TNRC6B: variants seen among roughly 807,000 people sequenced by gnomAD.
The protein encoded by TNRC6B is trinucleotide repeat containing adaptor 6B, also known as trinucleotide repeat-containing gene 6B protein.
A neutral mutation model predicts 203.6 loss-of-function variants in TNRC6B; 52 were observed. The observed-to-expected ratio is 0.26, with a 90% CI of 0.20 to 0.32. TNRC6B has a LOEUF of 0.32. Among genes scored for constraint, TNRC6B ranks in the 10% least tolerant of loss-of-function variants. The pLI is 1.00. For synonymous variants in TNRC6B, 838 were observed against 845.7 expected, an observed-to-expected ratio of 0.99 and a Z score of 0.16; for missense variants, 1,923 against 2,286.2, an observed-to-expected ratio of 0.84 and a Z score of 3.24.
chr22:40,198,928 T>A (rs901520511), intron 1 of TNRC6B, among the ~76,000 whole-genome samples: 1 of 152,072 alleles, frequency 6.6e-6, no homozygotes, highest in Non-Finnish European at 1.5e-5. Context: ...TCTTGGCTTC[T>A]ATATCCCATT....
chr22:40,322,494 G>A (rs1472918132), intron 22 of TNRC6B, among the ~76,000 whole-genome samples: 2 of 152,072 alleles, frequency 1.3e-5, no homozygotes, highest in African/African-American at 4.8e-5. Flanking sequence ...ATCCCTCTTA[G>A]CCCCCCACAG....
chr22:40,266,915 A>G lies in TNRC6B; in HGVS notation c.2685A>G (p.Ala895=). The G allele has an allele frequency of 1.9e-6, 3 of 1,614,046 alleles. No homozygotes were observed. The highest frequency in any genetic ancestry group is 2.2e-5 in the East Asian group (1 of 44,882). Residue 895 remains alanine (A), a synonymous_variant, in exon 5 of 23, where the codon GCA becomes GCG. Coordinates refer to ENST00000454349, the MANE Select transcript of TNRC6B (RefSeq NM_001162501.2). ...TGGACATTGATGATGGCACTTCAGC[A>G]TGGGGAGACCCTAACAGTTATAACT... is the stretch of plus-strand genomic sequence containing the variant. The part of the protein sequence containing the change: ...RKMDIDDGTS[A]WGDPNSYNYK...
At chr22:40,188,348 G>T (rs1435018852) in intron 1 of TNRC6B, among the ~76,000 whole-genome samples, 1 of 152,196 alleles carries the variant, frequency 6.6e-6, no homozygotes, top group Non-Finnish European at 1.5e-5. Context: ...TTATTTTTCT[G>T]TGAAGTGCCC....
Position 40,265,306 on chromosome 22 carries a change from T to G in TNRC6B, c.1076T>G (p.Val359Gly). ...GAAAATGCGGGTGTTAATTTTGTTGTCTCTGGCAGAGAACAGGCTCAAATT... is the reference window on the plus strand; with the variant it reads ...GAAAATGCGGGTGTTAATTTTGTTGGCTCTGGCAGAGAACAGGCTCAAATT... ...KMENAGVNFVVSGREQAQIHN... is the reference protein window; with the variant it reads ...KMENAGVNFVGSGREQAQIHN... The change falls in exon 5 of 23, where the codon GTC (valine) becomes GGC (glycine). Residue 359 changes from valine to glycine, a missense_variant. This residue lies in a region of TNRC6B where 614 missense variants were observed against 587.7 expected (regional missense o/e 1.04). Coordinates refer to ENST00000454349, the MANE Select transcript of TNRC6B (RefSeq NM_001162501.2). 6.2e-7 allele frequency: 1 copy of G among 1,614,006 alleles called. No individual in the cohort carries two copies. The highest frequency in any genetic ancestry group is 8.5e-7 in the Non-Finnish European group (1 of 1,179,898).
chr22:40,062,672 T>C (rs2146272893), intron 1 of TNRC6B, among the ~76,000 whole-genome samples: 2 of 152,302 alleles, frequency 1.3e-5, no homozygotes, highest in South Asian at 2.1e-4. Context: ...TCCTACTGGG[T>C]AGGAAATGGT....
At chr22:40,128,772 C>T (rs1010354025) in intron 3 of TNRC6B, among the ~76,000 whole-genome samples, 5 of 151,926 alleles carry the variant, frequency 3.3e-5, no homozygotes, top group Admixed American at 6.6e-5. Flanking sequence ...ATTCTCCTGC[C>T]GCAGTCTCCC....
rs73418702 is a variant in TNRC6B at position 40,226,221 on chromosome 22, T to C, written c.6-19794T>C. Among the ~76,000 whole-genome samples, 1,034 of 152,338 alleles carry C rather than the reference T, an allele frequency of 6.8e-3. 7 individuals are homozygous for C. The highest frequency in any genetic ancestry group is 0.023 in the African/African-American group (961 of 41,576). On this transcript the variant is annotated intron_variant, in intron 1 of 22. Transcript: ENST00000454349. Reference sequence around the variant, plus strand: ...CACACAAGAACACGACTTTCCATTTTTACTATTCTGAAAATAGAGCACAAA... The same window carrying C: ...CACACAAGAACACGACTTTCCATTTCTACTATTCTGAAAATAGAGCACAAA...
chr22:40,110,073 GA>G (rs1209737856), intron 1 of TNRC6B, among the ~76,000 whole-genome samples: 1 of 152,090 alleles, frequency 6.6e-6, no homozygotes, highest in Non-Finnish European at 1.5e-5. Flanking sequence ...ATGCAATATA[GA>G]AAAAGAACAA....
chr22:40,300,888 G>A (rs1385195189), intron 13 of TNRC6B, 22 bp from the exon 14 acceptor site: 1 of 1,609,366 alleles, frequency 6.2e-7, no homozygotes, highest in Non-Finnish European at 8.5e-7. Flanking sequence ...TTGGTTTTCT[G>A]TCTTTCCCCC....
At chr22:40,226,377 C>T (rs1008638438) in intron 1 of TNRC6B, among the ~76,000 whole-genome samples, 1 of 152,008 alleles carries the variant, frequency 6.6e-6, no homozygotes, top group Non-Finnish European at 1.5e-5. Context: ...CAGAGGATTT[C>T]CAGGATTCGA....
chr22:40,285,569 T>C, intron 11 of TNRC6B, 76 bp from the exon 12 acceptor site: 1 of 1,530,728 alleles, frequency 6.5e-7, no homozygotes, highest in Non-Finnish European at 8.8e-7. Context: ...CTGAGGGATC[T>C]AAAAGACCAG....
In TNRC6B at chr22:40,266,142, G is replaced by A; in HGVS notation, c.1912G>A (p.Glu638Lys). 6.2e-7 allele frequency: 1 copy of A among 1,613,972 alleles called. No individual in the cohort carries two copies. The highest frequency in any genetic ancestry group is 8.5e-7 in the Non-Finnish European group (1 of 1,179,898). The change falls in exon 5 of 23, where the codon GAG (glutamate) becomes AAG (lysine). Residue 638 changes from glutamate (E) to lysine (K), a missense_variant. By Grantham distance (56) the Glu-to-Lys change is moderately conservative. Transcript: ENST00000454349. Reference protein sequence around the residue: ...IKQDTVWDIEEVPRPEGKSDK... With the variant: ...IKQDTVWDIEKVPRPEGKSDK... ...GCAGGACACAGTGTGGGACATTGAA[G>A]AGGTGCCAAGGCCTGAGGGGAAATC...
intron 1 of TNRC6B, among the ~76,000 whole-genome samples, chr22:40,098,409 A>T (rs74495974): frequency 6.7e-6 from 1 of 149,516 alleles, no homozygotes; most frequent in East Asian, 2.0e-4. Flanking sequence ...AAAAAAAAAA[A>T]GGGAATTACT....
At position 40,281,717 on chromosome 22, in the gene TNRC6B, TGG is replaced by T. The variant is rs58533893; in HGVS notation, c.3582+430_3582+431del. On this transcript the variant is annotated intron_variant, in intron 11 of 22. Transcript: ENST00000454349. Reference sequence around the variant, plus strand: ...GAAAACTAGTATGATTAAGTATTTGTGGGTTATGGCATCTTGAAATCTAGTGT... The same window carrying T: ...GAAAACTAGTATGATTAAGTATTTGTGTTATGGCATCTTGAAATCTAGTGT... Among the ~76,000 whole-genome samples the T allele has an allele frequency of 3.9e-4, 60 of 152,354 alleles. 2 individuals are homozygous for T. The East Asian group carries it at 0.011, about 28-fold the overall frequency.
At position 40,264,870 on chromosome 22, in the gene TNRC6B, A is replaced by G. The variant is rs2070450968; in HGVS notation, c.640A>G (p.Asn214Asp). The G allele has an allele frequency of 1.2e-6, 2 of 1,613,814 alleles. No individual in the cohort carries two copies. The highest frequency in any genetic ancestry group is 1.7e-5 in the Admixed American group (1 of 59,988). Residue 214 changes from asparagine (N) to aspartate (D), a missense_variant, in exon 5 of 23, where the codon AAC (asparagine) becomes GAC (aspartate). This residue lies in a region of TNRC6B where 614 missense variants were observed against 587.7 expected (regional missense o/e 1.04). Coordinates refer to ENST00000454349, the MANE Select transcript of TNRC6B (RefSeq NM_001162501.2). ...CAAAGACACTGAATCTTCTTCCGAA[A>G]ACACCACCGATAACAACAGTGCCTC... ...ASKDTESSSE[N>D]TTDNNSASNP...
At chr22:40,249,873 C>T (rs552378560) in intron 2 of TNRC6B, among the ~76,000 whole-genome samples, 2 of 152,202 alleles carry the variant, frequency 1.3e-5, no homozygotes, top group Non-Finnish European at 2.9e-5. Flanking sequence ...CACAAATTCA[C>T]TGTAATAGAA....
chr22:40,172,720 C>T (rs927652444), intron 4 of TNRC6B, among the ~76,000 whole-genome samples: 18 of 152,178 alleles, frequency 1.2e-4, no homozygotes, highest in African/African-American at 4.3e-4. Context: ...TATCCTTACA[C>T]CTCCTGGAAC....
intron 1 of TNRC6B, among the ~76,000 whole-genome samples, chr22:40,097,400 G>T (rs2146301635): frequency 6.6e-6 from 1 of 151,936 alleles, no homozygotes; most frequent in Admixed American, 6.6e-5. Context: ...CCAACTACTG[G>T]GCTCAAACAG....
chr22:40,059,808 G>A (rs1025764471), intron 1 of TNRC6B, among the ~76,000 whole-genome samples: 1 of 149,056 alleles, frequency 6.7e-6, no homozygotes, highest in African/African-American at 2.5e-5. Flanking sequence ...GGTCATGATA[G>A]AGTTTGGTTT....
Sources: gnomAD v4.1 joint callset for allele counts (sites outside exome capture counted in the v4.1 genomes callset) on GRCh38, gnomAD v4.1.1 for gene constraint, gnomAD v4.1.1 regional missense constraint, MANE v1.5 for transcripts, NCBI Gene and HGNC (gene_info 2026-07-23, HGNC 2026-07-21) for gene names.